The following RALYL variants were observed in gnomAD, a reference collection of about 807,000 sequenced individuals.
RALYL encodes the protein RNA-binding Raly-like protein.
A neutral mutation model predicts 35.1 loss-of-function variants in RALYL; 29 were observed. That is an observed-to-expected ratio of 0.83 (90% CI 0.61 to 1.13). RALYL has a LOEUF of 1.13. RALYL is among the 50% of genes most tolerant of loss of function. The pLI is 0.00. For missense variants in RALYL, 359 were observed against 360.4 expected (o/e 1.00, Z 0.03); for synonymous variants, 120 against 127.6 (o/e 0.94, Z 0.40).
chr8:84,366,890 C>T (rs550039167), intron 1 of RALYL, among the ~76,000 whole-genome samples: 13 of 147,604 alleles, frequency 8.8e-5, no homozygotes, highest in African/African-American at 3.0e-4. Flanking sequence ...CCTGTCAAAT[C>T]AGATTTTCAC....
At chr8:84,891,042 G>T (rs1001120884) in intron 8 of RALYL, among the ~76,000 whole-genome samples, 1 of 152,120 alleles carries the variant, frequency 6.6e-6, no homozygotes, top group African/African-American at 2.4e-5. Flanking sequence ...CTGTACTTAG[G>T]GACCGAGATA....
chr8:84,640,513 A>G (rs1268148639), intron 2 of RALYL, among the ~76,000 whole-genome samples: 2 of 152,042 alleles, frequency 1.3e-5, no homozygotes. Context: ...TAACTGCATA[A>G]GAAGTTTTCT....
At chr8:84,644,298 G>A (rs1827015876) in intron 2 of RALYL, among the ~76,000 whole-genome samples, 2 of 152,082 alleles carry the variant, frequency 1.3e-5, no homozygotes, top group South Asian at 4.1e-4. Context: ...CCATTTCACA[G>A]GTAACAAAAC....
At chr8:84,859,317 C>A (rs1837656475) in intron 5 of RALYL, among the ~76,000 whole-genome samples, 1 of 152,034 alleles carries the variant, frequency 6.6e-6, no homozygotes, top group Non-Finnish European at 1.5e-5. Flanking sequence ...AAGGGAGTAG[C>A]CTCTGGTCCT....
intron 1 of RALYL, among the ~76,000 whole-genome samples, chr8:84,221,430 A>G (rs1208654499): frequency 2.6e-5 from 4 of 152,172 alleles, no homozygotes; most frequent in South Asian, 4.1e-4. Flanking sequence ...CGAAGTCAGC[A>G]TATCAGCATA....
intron 2 of RALYL, among the ~76,000 whole-genome samples, chr8:84,574,272 A>G (rs1288688874): frequency 1.3e-5 from 2 of 152,058 alleles, no homozygotes; most frequent in African/African-American, 2.4e-5. Flanking sequence ...CAGAACCGAT[A>G]TATTTCCAGT....
intron 5 of RALYL, among the ~76,000 whole-genome samples, chr8:84,859,116 G>A (rs1447438685): frequency 6.6e-6 from 1 of 152,148 alleles, no homozygotes; most frequent in African/African-American, 2.4e-5. Context: ...GGGCTCAAGA[G>A]CCTGGTGACA....
intron 2 of RALYL, among the ~76,000 whole-genome samples, chr8:84,579,840 T>C (rs1334074315): frequency 6.6e-6 from 1 of 152,214 alleles, no homozygotes; most frequent in Non-Finnish European, 1.5e-5. Context: ...TGCTGTCACA[T>C]AGATAAACAA....
chr8:84,469,611 C>G (rs1587574760), intron 1 of RALYL, among the ~76,000 whole-genome samples: 2 of 152,318 alleles, frequency 1.3e-5, no homozygotes, highest in African/African-American at 2.4e-5. Context: ...TGCCCTGCCC[C>G]CAGAGGTGGA....
intron 2 of RALYL, among the ~76,000 whole-genome samples, chr8:84,672,760 G>A (rs1042441651): frequency 6.6e-6 from 1 of 152,160 alleles, no homozygotes; most frequent in South Asian, 2.1e-4. Context: ...CATGAGAACA[G>A]CACAGGAAAA....
chr8:84,289,955 A>G (rs2132210038), intron 1 of RALYL, among the ~76,000 whole-genome samples: 1 of 152,280 alleles, frequency 6.6e-6, no homozygotes, highest in Non-Finnish European at 1.5e-5. Flanking sequence ...AATAAAAGCA[A>G]CTGGGGTAGG....
intron 1 of RALYL, among the ~76,000 whole-genome samples, chr8:84,479,823 G>A (rs1188963857): frequency 6.6e-6 from 1 of 151,964 alleles, no homozygotes; most frequent in African/African-American, 2.4e-5. Flanking sequence ...TCTTTTCCCA[G>A]GGTAGATTAC....
intron 7 of RALYL, among the ~76,000 whole-genome samples, chr8:84,886,159 A>G (rs1842896075): frequency 6.6e-6 from 1 of 152,186 alleles, no homozygotes; most frequent in Non-Finnish European, 1.5e-5. Flanking sequence ...CTTATTTTCA[A>G]TAAACTTTAT....
intron 1 of RALYL, among the ~76,000 whole-genome samples, chr8:84,390,811 A>G (rs1489869835): frequency 1.3e-5 from 2 of 151,878 alleles, no homozygotes; most frequent in Non-Finnish European, 2.9e-5. Context: ...ATGTCTAATA[A>G]TGGGATGTAG....
chr8:84,614,895 T>C (rs1185922285), intron 2 of RALYL, among the ~76,000 whole-genome samples: 1 of 151,304 alleles, frequency 6.6e-6, no homozygotes, highest in Non-Finnish European at 1.5e-5. Context: ...TCCAGGAGGA[T>C]ATGGTACAGG....
chr8:84,581,706 G>T lies in RALYL; in HGVS notation c.256+52129G>T, dbSNP rs142355785. On this transcript the variant is annotated intron_variant, in intron 2 of 8. Transcript: ENST00000521268. ...CTCTTTTGTAATGTAGGTAATAATA[G>T]TATATTTTATAGGATATTAATAGTA... Among the ~76,000 whole-genome samples the T allele has an allele frequency of 3.4e-3, 515 of 152,124 alleles. 4 individuals carry two copies. Among genetic ancestry groups the T allele is most frequent in the African/African-American group, 0.012 (499 of 41,492 alleles).
At chr8:84,575,551 C>CATTCTTTT (rs1809166730) in intron 2 of RALYL, among the ~76,000 whole-genome samples, 1 of 152,096 alleles carries the variant, frequency 6.6e-6, no homozygotes, top group Non-Finnish European at 1.5e-5. Context: ...AATAAAAGAT[C>CATTCTTTT]ATTCTTTTGG....
intron 1 of RALYL, among the ~76,000 whole-genome samples, chr8:84,441,961 T>G (rs1055783639): frequency 6.6e-6 from 1 of 152,104 alleles, no homozygotes; most frequent in Non-Finnish European, 1.5e-5. Context: ...GGTATATTTA[T>G]TCCCTTGTTC....
At chr8:84,544,224 C>G (rs887858540) in intron 2 of RALYL, among the ~76,000 whole-genome samples, 2 of 151,866 alleles carry the variant, frequency 1.3e-5, no homozygotes, top group African/African-American at 4.8e-5. Context: ...TTTTTTACAA[C>G]CATATATGAT....
Sources: allele counts gnomAD v4.1 joint callset (sites outside exome capture counted in the v4.1 genomes callset), GRCh38; gene constraint gnomAD v4.1.1; transcripts MANE v1.5; gene names NCBI Gene and HGNC (gene_info 2026-07-23, HGNC 2026-07-21).